Variants in FAM229B observed in about 807,000 individuals in gnomAD.
FAM229B encodes the protein family with sequence similarity 229 member B, also known as protein FAM229B.
FAM229B carries 2 observed loss-of-function variants against 6.7 expected under a neutral mutation model. The observed-to-expected ratio is 0.30, with a 90% CI of 0.12 to 0.94. The LOEUF is 0.94. Ranked by LOEUF, FAM229B falls within the 40% of genes least tolerant of loss-of-function variation. The pLI is 0.54. For synonymous variants in FAM229B, 29 were observed against 34.0 expected (o/e 0.85, Z 0.51); for missense variants, 93 against 96.2 (o/e 0.97, Z 0.14).
intron 1 of FAM229B, among the ~76,000 whole-genome samples, chr6:112,092,247 G>A (rs1264852588): frequency 6.6e-6 from 1 of 151,964 alleles, no homozygotes; most frequent in South Asian, 2.1e-4. Context: ...AAGAAACTAT[G>A]CCAAGTACAT....
rs782560513 is a variant in FAM229B, at chr6:112,100,775, G to A, written c.231G>A (p.Met77Ile). 9.3e-6 allele frequency: 15 copies of A among 1,612,430 alleles called. No individual in the cohort carries two copies. In the South Asian group the frequency reaches 1.3e-4, roughly 14 times the overall value. Residue 77 changes from methionine to isoleucine, a missense_variant, in exon 4 of 4, where the codon ATG becomes ATA. Physicochemically the swap from Met to Ile is conservative, Grantham distance 10. Transcript: ENST00000368656. ...RKPPAQSSKE[M>I]HPK ...CACCTGCACAAAGCAGCAAGGAAATGCATCCTAAATAGCACCATTAAGTCT... is the reference window on the plus strand; with the variant it reads ...CACCTGCACAAAGCAGCAAGGAAATACATCCTAAATAGCACCATTAAGTCT...
At chr6:112,089,133 A>G (rs12191133) in intron 1 of FAM229B, among the ~76,000 whole-genome samples, 43,974 of 152,052 alleles carry the variant, frequency 0.29, 6,606 homozygotes, top group African/African-American at 0.38. Context: ...TTTGGTTGAA[A>G]TTACTGAAAT....
intron 1 of FAM229B, among the ~76,000 whole-genome samples, chr6:112,094,801 G>A (rs1405611609): frequency 2.6e-5 from 4 of 152,132 alleles, no homozygotes; most frequent in Non-Finnish European, 4.4e-5. Flanking sequence ...AATATCTTGA[G>A]AATTGAAAGA....
chr6:112,098,049 C>T lies in FAM229B; in HGVS notation c.-15+848C>T, dbSNP rs587691237. On this transcript the variant is annotated intron_variant, in intron 2 of 3. Coordinates refer to ENST00000368656, the MANE Select transcript of FAM229B (RefSeq NM_001033564.3). ...CAGTGGGTAAAGGCCTTGAATGCTG[C>T]GAAACATCCTACAGTGCACAGGACA... 8.9e-4 allele frequency among the ~76,000 whole-genome samples: 136 copies of T among 152,178 alleles called. 2 individuals carry two copies. The highest frequency in any genetic ancestry group is 3.0e-3 in the African/African-American group (123 of 41,536).
Position 112,100,975 on chromosome 6 carries a change from T to C in FAM229B, c.*188T>C, listed in dbSNP as rs1777391697. ...ATGTAGTGATAGGCTATCAGTTATG[T>C]CTGATACATAAGACAGAATAATATT... On this transcript the variant is annotated 3_prime_UTR_variant, in exon 4 of 4. Coordinates refer to ENST00000368656, the MANE Select transcript of FAM229B (RefSeq NM_001033564.3). 1.8e-6 allele frequency: 1 copy of C among 549,108 alleles called. No homozygotes were observed. Among genetic ancestry groups the C allele is most frequent in the Admixed American group, 3.2e-5 (1 of 30,774 alleles). The allele number at this position is 549,108 out of a possible 1,614,324, so 34.0% of individuals were successfully genotyped here.
At chr6:112,094,593 T>G (rs1308256391) in intron 1 of FAM229B, among the ~76,000 whole-genome samples, 2 of 152,204 alleles carry the variant, frequency 1.3e-5, no homozygotes. Flanking sequence ...AATCCTATCG[T>G]AACCTACAAA....
At chr6:112,095,461 C>G (rs6938471) in intron 1 of FAM229B, among the ~76,000 whole-genome samples, 80,697 of 150,954 alleles carry the variant, frequency 0.53, 22,009 homozygotes, top group African/African-American at 0.62. Flanking sequence ...GTAAAACCCT[C>G]TATCTACAAA....
rs193300865 is a variant in FAM229B at position 112,088,946 on chromosome 6, A to C, written c.-176+1226A>C. On this transcript the variant is annotated intron_variant, in intron 1 of 3. Transcript: ENST00000368656. Reference sequence around the variant, plus strand: ...AGAAAAGTCCTAACACATCTTATTAATAACTTCAGTCTCTAGAGAATCAGA... The same window carrying C: ...AGAAAAGTCCTAACACATCTTATTACTAACTTCAGTCTCTAGAGAATCAGA... 7.9e-5 allele frequency among the ~76,000 whole-genome samples: 12 copies of C among 152,288 alleles called. No individual in the cohort carries two copies. In the East Asian group the frequency reaches 2.1e-3, roughly 27 times the overall value.
chr6:112,100,668 A>T lies in FAM229B; in HGVS notation c.126-2A>T, dbSNP rs1554319164. ...CTACATGTCATCTGCTTTTTTATTC[A>T]GGCAACTCCGGAGGTGCCCTGGAAG... On this transcript the variant is annotated splice_acceptor_variant, in intron 3 of 3. Coordinates refer to ENST00000368656, the MANE Select transcript of FAM229B (RefSeq NM_001033564.3). LOFTEE classifies it high-confidence loss of function. The T allele has an allele frequency of 6.2e-7, 1 of 1,607,632 alleles. No individual in the cohort carries two copies. The highest frequency in any genetic ancestry group is 8.5e-7 in the Non-Finnish European group (1 of 1,175,046).
In FAM229B at chr6:112,101,645, G is replaced by C. The variant is rs1554319305; in HGVS notation, c.*858G>C. 6.6e-6 allele frequency: 1 copy of C among 152,104 alleles called. No individual in the cohort carries two copies. 9.4% of individuals were successfully genotyped at this position (152,104 alleles called of 1,614,324 possible). A position where few individuals can be genotyped will look rare whatever the true frequency, so the allele number is the denominator to read the frequency against. On this transcript the variant is annotated 3_prime_UTR_variant, in exon 4 of 4. Transcript: ENST00000368656. ...CTGCTTTCCTTTTCTCTCGATGGCT[G>C]TCAGCACCCATCTAATGAAATTGTC...
At chr6:112,088,063 C>T (rs1471959032) in intron 1 of FAM229B, among the ~76,000 whole-genome samples, 1 of 152,204 alleles carries the variant, frequency 6.6e-6, no homozygotes, top group African/African-American at 2.4e-5. Flanking sequence ...AACTTGTAGG[C>T]TCGCTGGGAA....
chr6:112,097,983 T>G (rs1268945498), intron 2 of FAM229B, among the ~76,000 whole-genome samples: 1 of 152,170 alleles, frequency 6.6e-6, no homozygotes, highest in African/African-American at 2.4e-5. Context: ...TATAGACATT[T>G]TGGGCTGTCA....
chr6:112,089,083 G>A (rs1036853342), intron 1 of FAM229B, among the ~76,000 whole-genome samples: 4 of 152,268 alleles, frequency 2.6e-5, no homozygotes, highest in Non-Finnish European at 5.9e-5. Context: ...CGGTTGAACC[G>A]CAGCGGGCTA....
intron 2 of FAM229B, among the ~76,000 whole-genome samples, chr6:112,098,925 A>G (rs1777359857): frequency 6.6e-6 from 1 of 152,242 alleles, no homozygotes. Context: ...ACAGTATTTT[A>G]AACACTATTT....
At chr6:112,090,884 T>C (rs931889738) in intron 1 of FAM229B, among the ~76,000 whole-genome samples, 1 of 152,192 alleles carries the variant, frequency 6.6e-6, no homozygotes, top group East Asian at 1.9e-4. Context: ...ATCTGCTCTT[T>C]TAGCAGTTCT....
Position 112,099,349 on chromosome 6 carries a change from G to A in FAM229B, c.66G>A (p.Glu22=). Residue 22 remains glutamate, a synonymous_variant, in exon 3 of 4, where the codon GAG becomes GAA. Transcript: ENST00000368656. ...FPVEGGDSSI[E]LEPGLSSSAA... is the part of the protein sequence containing the mutation. ...TGGAAGGAGGAGATTCTTCAATTGA[G>A]CTGGAACCTGGGCTGAGCTCCAGTG... The A allele has an allele frequency of 6.2e-7, 1 of 1,614,062 alleles. No homozygotes were observed. Among genetic ancestry groups the A allele is most frequent in the Non-Finnish European group, 8.5e-7 (1 of 1,179,942 alleles).
At chr6:112,096,636 G>A (rs1777329649) in intron 1 of FAM229B, among the ~76,000 whole-genome samples, 1 of 152,094 alleles carries the variant, frequency 6.6e-6, no homozygotes. Flanking sequence ...AGACTCTCTT[G>A]AGGAAACAGG....
intron 1 of FAM229B, among the ~76,000 whole-genome samples, chr6:112,092,912 T>C (rs1777276401): frequency 6.6e-6 from 1 of 151,862 alleles, no homozygotes; most frequent in South Asian, 2.1e-4. Flanking sequence ...AATAAACCAA[T>C]AATGGAATAA....
intron 1 of FAM229B, among the ~76,000 whole-genome samples, chr6:112,089,436 A>G (rs1489174089): frequency 6.6e-6 from 1 of 152,230 alleles, no homozygotes; most frequent in Non-Finnish European, 1.5e-5. Flanking sequence ...GAACTTAAGA[A>G]TATGAATGCA....
Sources: allele counts gnomAD v4.1 joint callset (sites outside exome capture counted in the v4.1 genomes callset), GRCh38; gene constraint gnomAD v4.1.1; transcripts MANE v1.5; gene names NCBI Gene and HGNC (gene_info 2026-07-23, HGNC 2026-07-21).